HS3ST4: variants seen among roughly 807,000 people sequenced by gnomAD.
HS3ST4 encodes heparan sulfate glucosamine 3-O-sulfotransferase 4.
HS3ST4 carries 17 observed loss-of-function variants against 29.2 expected under a neutral mutation model. The observed-to-expected ratio is 0.58, with a 90% CI of 0.40 to 0.87. The LOEUF (loss-of-function observed/expected upper bound fraction) is 0.87, where lower values mean the gene tolerates loss of function less well. Among genes scored for constraint, HS3ST4 ranks in the 40% least tolerant of loss-of-function variants. HS3ST4 has a pLI of 0.00. For synonymous variants in HS3ST4, 314 were observed against 285.7 expected (o/e 1.10, Z -1.00); for missense variants, 627 against 634.5 (o/e 0.99, Z 0.13).
intron 1 of HS3ST4, among the ~76,000 whole-genome samples, chr16:25,792,593 C>G (rs1207890413): frequency 2.0e-5 from 3 of 151,782 alleles, no homozygotes; most frequent in African/African-American, 7.2e-5. Context: ...GAATAAATTT[C>G]TAAATATTCT....
At chr16:26,071,178 G>A (rs1342402408) in intron 1 of HS3ST4, among the ~76,000 whole-genome samples, 2 of 152,206 alleles carry the variant, frequency 1.3e-5, no homozygotes, top group African/African-American at 2.4e-5. Context: ...CACAAACCCT[G>A]GAGATGCAAT....
In HS3ST4 at chr16:26,042,381, T is replaced by TGC. The variant is rs1969643534; in HGVS notation, c.735-93230_735-93229insCG. Among the ~76,000 whole-genome samples, 4 of 151,932 alleles carry TGC rather than the reference T, an allele frequency of 2.6e-5. No homozygotes were observed. In the East Asian group the frequency reaches 7.7e-4, roughly 29 times the overall value. ...GTGTGTGTGTGTGTGTGTGTGTGTG[T>TGC]GTTTCAGCAGTTGTAAAATGGAGCG... On this transcript the variant is annotated intron_variant, in intron 1 of 1. Transcript: ENST00000331351.
chr16:26,016,086 G>A (rs1395047850), intron 1 of HS3ST4, among the ~76,000 whole-genome samples: 1 of 152,188 alleles, frequency 6.6e-6, no homozygotes, highest in East Asian at 1.9e-4. Context: ...AAAACTCTCT[G>A]TTAGAGTAAA....
intron 1 of HS3ST4, among the ~76,000 whole-genome samples, chr16:26,007,499 G>A (rs1243067718): frequency 6.6e-6 from 1 of 152,160 alleles, no homozygotes; most frequent in Non-Finnish European, 1.5e-5. Flanking sequence ...GCATTTCAGG[G>A]AAGTTAGGGG....
At chr16:25,924,334 C>T (rs1404487161) in intron 1 of HS3ST4, among the ~76,000 whole-genome samples, 1 of 152,162 alleles carries the variant, frequency 6.6e-6, no homozygotes, top group Non-Finnish European at 1.5e-5. Flanking sequence ...TAGCCCCTCT[C>T]GTTTTGAAGA....
chr16:25,981,086 G>C (rs761624958), intron 1 of HS3ST4, among the ~76,000 whole-genome samples: 1 of 152,050 alleles, frequency 6.6e-6, no homozygotes, highest in Admixed American at 6.6e-5. Flanking sequence ...GGCTGGGCAC[G>C]GTGCCTCAGG....
intron 1 of HS3ST4, among the ~76,000 whole-genome samples, chr16:26,081,676 T>G (rs1898725337): frequency 6.6e-6 from 1 of 151,920 alleles, no homozygotes; most frequent in African/African-American, 2.4e-5. Flanking sequence ...GAAATAAGAA[T>G]GTTTTAGTTA....
chr16:26,124,418 C>G (rs1435661234), intron 1 of HS3ST4, among the ~76,000 whole-genome samples: 1 of 152,010 alleles, frequency 6.6e-6, no homozygotes, highest in Non-Finnish European at 1.5e-5. Flanking sequence ...CACTAATAAG[C>G]AATTGTATAT....
intron 1 of HS3ST4, among the ~76,000 whole-genome samples, chr16:25,923,429 G>A (rs555144850): frequency 1.1e-4 from 17 of 152,312 alleles, no homozygotes; most frequent in African/African-American, 4.1e-4. Context: ...GCTAAACAGA[G>A]ACTACCCTAG....
chr16:25,987,724 A>C (rs1185085977), intron 1 of HS3ST4, among the ~76,000 whole-genome samples: 1 of 152,096 alleles, frequency 6.6e-6, no homozygotes, highest in East Asian at 1.9e-4. Flanking sequence ...CTGGACCTTG[A>C]GGAGGTTTTG....
At chr16:25,776,975 G>A (rs1252905383) in intron 1 of HS3ST4, among the ~76,000 whole-genome samples, 1 of 152,144 alleles carries the variant, frequency 6.6e-6, no homozygotes, top group Non-Finnish European at 1.5e-5. Flanking sequence ...CAATATGCAT[G>A]CCCTCATTAC....
intron 1 of HS3ST4, among the ~76,000 whole-genome samples, chr16:25,795,435 G>T (rs1966881749): frequency 6.6e-6 from 1 of 151,950 alleles, no homozygotes; most frequent in African/African-American, 2.4e-5. Flanking sequence ...TCAGTTCTAG[G>T]ATTTCTATTT....
At chr16:25,764,467 A>ATG (rs1966806032) in intron 1 of HS3ST4, among the ~76,000 whole-genome samples, 1 of 152,096 alleles carries the variant, frequency 6.6e-6, no homozygotes, top group Non-Finnish European at 1.5e-5. Context: ...GTGTGTGTAC[A>ATG]TGTGTGTGTG....
At chr16:25,752,478 C>T (rs182080595) in intron 1 of HS3ST4, among the ~76,000 whole-genome samples, 148 of 151,854 alleles carry the variant, frequency 9.7e-4, no homozygotes, top group African/African-American at 3.2e-3. Flanking sequence ...AAGGATTTGA[C>T]GGAACGGATT....
intron 1 of HS3ST4, among the ~76,000 whole-genome samples, chr16:26,044,971 A>T (rs959514417): frequency 5.3e-5 from 8 of 152,078 alleles, no homozygotes; most frequent in Admixed American, 2.6e-4. Flanking sequence ...TACAAATCTC[A>T]ACGCTCTCCT....
rs967665328 is a variant in HS3ST4 at position 25,961,822 on chromosome 16, A to G, written c.735-173790A>G. Among the ~76,000 whole-genome samples the G allele has an allele frequency of 1.1e-4, 6 of 56,536 alleles. No individual in the cohort carries two copies. The East Asian group carries it at 2.3e-3, about 22-fold the overall frequency. The allele number at this position is 56,536 out of a possible 152,430, so 37.1% of individuals were successfully genotyped here. On this transcript the variant is annotated intron_variant, in intron 1 of 1. Transcript: ENST00000331351. Reference sequence around the variant, plus strand: ...AGAGTTGGACAAAAAAAAATTAATGACCTAAAATCATAAAACTTACACTTA... The same window carrying G: ...AGAGTTGGACAAAAAAAAATTAATGGCCTAAAATCATAAAACTTACACTTA...
intron 1 of HS3ST4, among the ~76,000 whole-genome samples, chr16:26,100,153 C>T (rs1596680911): frequency 6.6e-6 from 1 of 152,044 alleles, no homozygotes; most frequent in Admixed American, 6.5e-5. Context: ...AGGGAAGGAG[C>T]AGGACCAAGG....
chr16:25,736,405 G>A (rs1351288276), intron 1 of HS3ST4, among the ~76,000 whole-genome samples: 1 of 152,158 alleles, frequency 6.6e-6, no homozygotes, highest in Admixed American at 6.5e-5. Context: ...GAGTGTGACT[G>A]TGAAGATTAC....
At chr16:26,115,302 T>C (rs947606298) in intron 1 of HS3ST4, among the ~76,000 whole-genome samples, 1 of 151,714 alleles carries the variant, frequency 6.6e-6, no homozygotes, top group African/African-American at 2.4e-5. Context: ...TAAACGTATA[T>C]AAATATGTTT....
Sources: allele counts gnomAD v4.1 joint callset (sites outside exome capture counted in the v4.1 genomes callset), GRCh38; gene constraint gnomAD v4.1.1; transcripts MANE v1.5; gene names NCBI Gene and HGNC (gene_info 2026-07-23, HGNC 2026-07-21).